XPO7: variants seen among roughly 807,000 people sequenced by gnomAD.
XPO7 encodes the protein exportin-7.
A neutral mutation model predicts 144.3 loss-of-function variants in XPO7; 21 were observed. That is an observed-to-expected ratio of 0.15 (90% confidence interval 0.10 to 0.21). XPO7 has a LOEUF of 0.21. Ranked by LOEUF, XPO7 falls within the 10% of genes least tolerant of loss-of-function variation. The probability of loss-of-function intolerance (pLI) is 1.00; values close to 1 mark genes in which losing one functional copy is unlikely to be tolerated. For missense variants in XPO7, 808 were observed against 1,325.8 expected, an observed-to-expected ratio of 0.61 and a Z score of 6.06; for synonymous variants, 580 against 499.6, an observed-to-expected ratio of 1.16 and a Z score of -2.15.
intron 14 of XPO7, among the ~76,000 whole-genome samples, 182 bp from the exon 15 acceptor site, chr8:21,987,602 A>C (rs1812623425): frequency 6.6e-6 from 1 of 152,282 alleles, no homozygotes; most frequent in African/African-American, 2.4e-5. Flanking sequence ...GAAAGGGACC[A>C]GTAAGATTGC....
intron 1 of XPO7, among the ~76,000 whole-genome samples, chr8:21,947,291 T>C (rs1273169512): frequency 1.3e-5 from 2 of 152,190 alleles, no homozygotes; most frequent in Admixed American, 1.3e-4. Context: ...CTGCCTAATT[T>C]TGGACTTTTT....
chr8:21,919,712 C>A lies in XPO7; in HGVS notation c.-59C>A, dbSNP rs1041099370. On this transcript the variant is annotated 5_prime_UTR_variant, in exon 1 of 28. Coordinates refer to ENST00000252512, the MANE Select transcript of XPO7 (RefSeq NM_015024.5). ...GTCGGCGGCGGCGGCGGCAGCGGCT[C>A]CGGCCGAGGTGCGCGCTGGGGGGGA... is the stretch of plus-strand genomic sequence containing the variant. 12 of 237,076 alleles carry A rather than the reference C, an allele frequency of 5.1e-5. No homozygotes were observed. The highest frequency in any genetic ancestry group is 3.1e-4 in the Admixed American group (5 of 16,136). The allele number at this position is 237,076 out of a possible 1,614,324, so 14.7% of individuals were successfully genotyped here.
intron 5 of XPO7, among the ~76,000 whole-genome samples, chr8:21,974,454 C>T (rs1812164009): frequency 6.6e-6 from 1 of 152,254 alleles, no homozygotes; most frequent in South Asian, 2.1e-4. Flanking sequence ...TTTGTTTTCC[C>T]TCTGTAAGCT....
chr8:21,922,228 C>G (rs899213033), intron 1 of XPO7, among the ~76,000 whole-genome samples: 1 of 152,078 alleles, frequency 6.6e-6, no homozygotes, highest in African/African-American at 2.4e-5. Context: ...TCATATGATT[C>G]TCGGGTTCTC....
intron 12 of XPO7, 134 bp from the exon 13 acceptor site, chr8:21,985,452 G>A (rs1585469459): frequency 2.5e-6 from 2 of 808,520 alleles, no homozygotes; most frequent in East Asian, 2.5e-5. Context: ...AAGCAGAGAA[G>A]TAGCCATTCT....
chr8:21,999,788 T>C (rs1407948061), intron 24 of XPO7, 114 bp downstream of exon 24: 1 of 1,382,070 alleles, frequency 7.2e-7, no homozygotes, highest in Non-Finnish European at 9.9e-7. Flanking sequence ...CCTTGGGGGT[T>C]TGGCCATAAC....
At chr8:21,929,022 T>G (rs1378419960) in intron 1 of XPO7, among the ~76,000 whole-genome samples, 1 of 152,198 alleles carries the variant, frequency 6.6e-6, no homozygotes, top group Non-Finnish European at 1.5e-5. Flanking sequence ...TTGCCTGACT[T>G]TTGGGTGGAG....
chr8:22,004,150 A>G (rs1585489369), intron 27 of XPO7, 120 bp downstream of exon 27: 3 of 1,341,282 alleles, frequency 2.2e-6, no homozygotes, highest in Non-Finnish European at 1.0e-6. Flanking sequence ...AAGCAATGCA[A>G]TGCAATAGAA....
chr8:21,920,341 C>T (rs1422895871), intron 1 of XPO7, among the ~76,000 whole-genome samples: 2 of 152,158 alleles, frequency 1.3e-5, no homozygotes, highest in Non-Finnish European at 1.5e-5. Flanking sequence ...ATGCGCCCTT[C>T]CCTCCGACAC....
intron 1 of XPO7, among the ~76,000 whole-genome samples, chr8:21,940,053 C>G (rs892321251): frequency 6.6e-6 from 1 of 152,178 alleles, no homozygotes; most frequent in Non-Finnish European, 1.5e-5. Flanking sequence ...TCTTCACACT[C>G]CTAAATCTAA....
intron 9 of XPO7, 129 bp from the exon 10 acceptor site, chr8:21,981,602 T>G (rs1812413422): frequency 8.7e-6 from 10 of 1,144,818 alleles, no homozygotes; most frequent in Non-Finnish European, 1.2e-5. Flanking sequence ...TCATTCTGAA[T>G]CATGACCTGC....
chr8:21,922,515 T>C (rs1810321956), intron 1 of XPO7, among the ~76,000 whole-genome samples: 1 of 152,242 alleles, frequency 6.6e-6, no homozygotes, highest in South Asian at 2.1e-4. Context: ...AACTTACTTA[T>C]GTGTGTTTAA....
intron 8 of XPO7, among the ~76,000 whole-genome samples, chr8:21,979,324 C>T (rs568054178): frequency 9.5e-4 from 144 of 151,834 alleles, no homozygotes; most frequent in Non-Finnish European, 1.6e-3. Flanking sequence ...GGATTACGGG[C>T]GTGAGCCACC....
chr8:22,003,293 T>C lies in XPO7; in HGVS notation c.3018T>C (p.Leu1006=). ...RNQWSMSRPL[L]GLILLNEKYF... is the part of the protein sequence containing the mutation. ...AGTGGTCTATGTCCCGACCACTACT[T>C]GGCTTGATATTGCTTAATGAAAAGG... Residue 1006 remains leucine, a synonymous_variant, in exon 26 of 28, where the codon CTT becomes CTC. Coordinates refer to ENST00000252512, the MANE Select transcript of XPO7 (RefSeq NM_015024.5). 6.2e-7 allele frequency: 1 copy of C among 1,612,184 alleles called. No individual in the cohort carries two copies. The highest frequency in any genetic ancestry group is 8.5e-7 in the Non-Finnish European group (1 of 1,179,198).
rs560003286 is a variant in XPO7, at chr8:21,941,152, C to G, written c.18+21364C>G. Among the ~76,000 whole-genome samples the G allele has an allele frequency of 1.6e-4, 23 of 148,152 alleles. No individual in the cohort carries two copies. In the South Asian group the frequency reaches 4.2e-3, roughly 27 times the overall value. On this transcript the variant is annotated intron_variant, in intron 1 of 27. Coordinates refer to ENST00000252512, the MANE Select transcript of XPO7 (RefSeq NM_015024.5). ...TATATGCTTTTTTTTTTTTTCTTCCCTTTGAGATGAGGTCTTGCTCTGTCT... is the reference window on the plus strand; with the variant it reads ...TATATGCTTTTTTTTTTTTTCTTCCGTTTGAGATGAGGTCTTGCTCTGTCT...
At chr8:21,998,544 A>G (rs1813030620) in intron 21 of XPO7, among the ~76,000 whole-genome samples, 1 of 152,210 alleles carries the variant, frequency 6.6e-6, no homozygotes, top group African/African-American at 2.4e-5. Context: ...TAATTTGAGC[A>G]GCAGAATCTG....
chr8:21,925,003 A>G (rs1283718343), intron 1 of XPO7, among the ~76,000 whole-genome samples: 2 of 152,250 alleles, frequency 1.3e-5, no homozygotes, highest in Non-Finnish European at 2.9e-5. Flanking sequence ...TGAGCATCAC[A>G]ACAAGCCTGG....
At chr8:21,937,414 G>A (rs1810857488) in intron 1 of XPO7, among the ~76,000 whole-genome samples, 1 of 152,158 alleles carries the variant, frequency 6.6e-6, no homozygotes, top group African/African-American at 2.4e-5. Context: ...GTAATAGGAA[G>A]GACTTTTAAT....
intron 26 of XPO7, 73 bp from the exon 27 acceptor site, chr8:22,003,830 C>T (rs1170113118): frequency 1.9e-6 from 3 of 1,598,332 alleles, no homozygotes; most frequent in Non-Finnish European, 2.6e-6. Flanking sequence ...CATTCTTCAA[C>T]CCTGCAGATG....
Sources: allele counts gnomAD v4.1 joint callset (sites outside exome capture counted in the v4.1 genomes callset), GRCh38; gene constraint gnomAD v4.1.1; transcripts MANE v1.5; gene names NCBI Gene and HGNC (gene_info 2026-07-23, HGNC 2026-07-21).